The following STS variants were observed in gnomAD, a reference collection of about 807,000 sequenced individuals.
STS encodes the protein steryl-sulfatase.
A neutral mutation model predicts 26.8 loss-of-function variants in STS; 7 were observed. The ratio of observed to expected loss-of-function variants is 0.26; its 90% confidence interval spans 0.15 to 0.49. STS has a LOEUF of 0.49. Ranked by LOEUF, STS falls within the 20% of genes least tolerant of loss-of-function variation. The pLI is 0.98. For missense variants in STS, 434 were observed against 465.6 expected (o/e 0.93, Z 0.63); for synonymous variants, 199 against 189.4 (o/e 1.05, Z -0.42).
intron 1 of STS, among the ~76,000 whole-genome samples, chrX:7,159,337 G>C (rs1232316778): frequency 8.9e-6 from 1 of 111,737 alleles, no homozygotes; most frequent in Non-Finnish European, 1.9e-5. Context: ...TATTGACACA[G>C]AGAATGAATT....
At chrX:7,314,481 A>T (rs1037299821) in intron 8 of STS, among the ~76,000 whole-genome samples, 1 of 112,594 alleles carries the variant, frequency 8.9e-6, no homozygotes, top group Non-Finnish European at 1.9e-5. Flanking sequence ...ATGGGTTAAC[A>T]TTAGTGAACA....
At chrX:7,268,864 A>G (rs1924134751) in intron 6 of STS, among the ~76,000 whole-genome samples, 1 of 110,111 alleles carries the variant, frequency 9.1e-6, no homozygotes, top group African/African-American at 3.3e-5. Context: ...ATAAAGAAAT[A>G]TTAGCCGGGC....
chrX:7,279,413 CTGTGTGTGTGTGTGTGTG>C (rs60649361), intron 7 of STS, among the ~76,000 whole-genome samples: 4 of 80,073 alleles, frequency 5.0e-5, no homozygotes. Context: ...GTGTGTGTGT[CTGTGTGTGTGTGTGTGTG>C]TGTGTGTGTA....
chrX:7,341,377 C>T (rs1296709520), intron 10 of STS, among the ~76,000 whole-genome samples: 1 of 111,446 alleles, frequency 9.0e-6, no homozygotes, highest in Non-Finnish European at 1.9e-5. Flanking sequence ...CATCAGGTCT[C>T]ATACTCCTTC....
chrX:7,229,938 GT>G (rs1921986385), intron 2 of STS, among the ~76,000 whole-genome samples: 1 of 110,676 alleles, frequency 9.0e-6, no homozygotes, highest in Admixed American at 9.6e-5. Flanking sequence ...CAGTGCACTG[GT>G]GTGATCATGG....
chrX:7,324,901 T>C (rs1022658421), intron 8 of STS, among the ~76,000 whole-genome samples: 60 of 111,758 alleles, frequency 5.4e-4, no homozygotes, highest in African/African-American at 1.9e-3. Context: ...TAAAGTCCCT[T>C]TTGCCATATA....
intron 2 of STS, 43 bp from the exon 3 acceptor site, chrX:7,253,153 G>A: frequency 1.7e-6 from 2 of 1,205,140 alleles, no homozygotes; most frequent in Non-Finnish European, 2.2e-6. Flanking sequence ...CTTGTCTCAA[G>A]CTGACATCCT....
intron 8 of STS, 121 bp from the exon 9 acceptor site, chrX:7,325,218 T>C (rs564133485): frequency 3.2e-5 from 23 of 722,581 alleles, no homozygotes; most frequent in African/African-American, 1.9e-4. Flanking sequence ...TACTCATAGA[T>C]GGAATCTATG....
At chrX:7,250,964 G>C (rs111651667) in intron 2 of STS, among the ~76,000 whole-genome samples, 1 of 112,482 alleles carries the variant, frequency 8.9e-6, no homozygotes, top group East Asian at 2.8e-4. Flanking sequence ...TTTAGTCGTT[G>C]TTTGATTGTT....
intron 1 of STS, among the ~76,000 whole-genome samples, chrX:7,152,718 A>G (rs1220839286): frequency 8.9e-6 from 1 of 112,884 alleles, no homozygotes; most frequent in Non-Finnish European, 1.9e-5. Context: ...CATTGCTCTC[A>G]ACCATTTTAT....
intron 7 of STS, among the ~76,000 whole-genome samples, chrX:7,296,465 C>T (rs562968484): frequency 5.6e-4 from 63 of 112,169 alleles, no homozygotes; most frequent in African/African-American, 1.9e-3. Context: ...GCCCATGGCT[C>T]AGGGAAACCA....
chrX:7,309,593 C>G (rs1372746299), intron 8 of STS, among the ~76,000 whole-genome samples: 1 of 40,664 alleles, frequency 2.5e-5, no homozygotes, highest in East Asian at 6.3e-4. Flanking sequence ...TACCAGACTT[C>G]TTGTTAAAAA....
chrX:7,277,076 C>T (rs1288981154), intron 7 of STS, among the ~76,000 whole-genome samples: 1 of 111,025 alleles, frequency 9.0e-6, no homozygotes, highest in Non-Finnish European at 1.9e-5. Flanking sequence ...GTGTGAGTTA[C>T]GCAAAGGAGT....
At chrX:7,282,364 C>G in intron 7 of STS, among the ~76,000 whole-genome samples, 1 of 111,757 alleles carries the variant, frequency 8.9e-6, no homozygotes, top group South Asian at 3.7e-4. Context: ...CCAAGCCCAG[C>G]TAATAATTTT....
At chrX:7,305,535 A>G (rs1231431323) in intron 8 of STS, among the ~76,000 whole-genome samples, 1 of 112,369 alleles carries the variant, frequency 8.9e-6, no homozygotes, top group Admixed American at 9.4e-5. Flanking sequence ...AAACAAATTT[A>G]TGAACTTACA....
intron 3 of STS, 95 bp downstream of exon 3, chrX:7,253,431 A>G (rs1923243668): frequency 1.4e-5 from 16 of 1,127,813 alleles, no homozygotes; most frequent in Admixed American, 2.2e-5. Flanking sequence ...CAGAACATGT[A>G]GAAACGTTCA....
intron 1 of STS, among the ~76,000 whole-genome samples, chrX:7,170,331 T>C (rs1252028475): frequency 4.6e-5 from 5 of 109,662 alleles, no homozygotes; most frequent in Non-Finnish European, 9.5e-5. Context: ...GGGGGAGGGG[T>C]ACGGGGGGTG....
chrX:7,222,629 A>G (rs575263681), intron 2 of STS, among the ~76,000 whole-genome samples: 2 of 110,511 alleles, frequency 1.8e-5, no homozygotes, highest in South Asian at 7.6e-4. Flanking sequence ...TAGACTTTGC[A>G]ATGTTTTCCA....
intron 2 of STS, among the ~76,000 whole-genome samples, 174 bp from the exon 3 acceptor site, chrX:7,253,022 A>T (rs1052263276): frequency 7.2e-5 from 8 of 111,169 alleles, no homozygotes; most frequent in Non-Finnish European, 1.5e-4. Context: ...GTGGTGACAC[A>T]TGCCTATAGT....
Sources: allele counts gnomAD v4.1 joint callset (sites outside exome capture counted in the v4.1 genomes callset), GRCh38; gene constraint gnomAD v4.1.1; transcripts MANE v1.5; gene names NCBI Gene and HGNC (gene_info 2026-07-23, HGNC 2026-07-21).